GBP6: variants seen among roughly 807,000 people sequenced by gnomAD.
GBP6 encodes guanylate-binding protein 6.
A neutral mutation model predicts 61.5 loss-of-function variants in GBP6; 54 were observed. The observed-to-expected ratio is 0.88, with a 90% confidence interval of 0.71 to 1.10. The LOEUF (loss-of-function observed/expected upper bound fraction) is 1.10, where lower values mean the gene tolerates loss of function less well. Among genes scored for constraint, GBP6 ranks in the 50% least tolerant of loss-of-function variants. GBP6 has a pLI of 0.00. For synonymous variants in GBP6, 255 were observed against 273.7 expected (o/e 0.93, Z 0.67); for missense variants, 748 against 752.8 (o/e 0.99, Z 0.07).
chr1:89,372,516 T>C lies in GBP6; in HGVS notation c.318+2843T>C, dbSNP rs568435782. Among the ~76,000 whole-genome samples the C allele has an allele frequency of 1.1e-4, 16 of 152,258 alleles. No individual in the cohort carries two copies. In the East Asian group the frequency reaches 2.7e-3, roughly 26 times the overall value. ...GCTCTCAGAAATAATACCACACATC[T>C]ACAACCATCTGATCTTTGACAAACC... is the stretch of plus-strand genomic sequence containing the variant. On this transcript the variant is annotated intron_variant, in intron 3 of 10. Coordinates refer to ENST00000370456, the MANE Select transcript of GBP6 (RefSeq NM_198460.3).
chr1:89,380,483 T>C lies in GBP6; in HGVS notation c.723T>C (p.Asn241=), dbSNP rs1652941946. The change falls in exon 6 of 11, where the codon AAT becomes AAC. Residue 241 remains asparagine (N), a synonymous_variant. Transcript: ENST00000370456. ...GTTTCGTCTTTGACCGGCCAACAAA[T>C]GACAAAGACCTTCTAGCCAATATTG... is the stretch of plus-strand genomic sequence containing the variant. ...RKCFVFDRPT[N]DKDLLANIEK... 2 of 1,614,118 alleles carry C rather than the reference T, an allele frequency of 1.2e-6. No individual in the cohort carries two copies. Among genetic ancestry groups the C allele is most frequent in the Non-Finnish European group, 1.7e-6 (2 of 1,180,008 alleles).
intron 7 of GBP6, 22 bp downstream of exon 7, chr1:89,381,996 T>C: frequency 6.3e-7 from 1 of 1,580,468 alleles, no homozygotes; most frequent in Admixed American, 1.7e-5. Flanking sequence ...TAGTCATTAC[T>C]GTTCATCATC....
At chr1:89,380,703 T>G in intron 6 of GBP6, 72 bp downstream of exon 6, 1 of 1,464,304 alleles carries the variant, frequency 6.8e-7, no homozygotes, top group Non-Finnish European at 9.3e-7. Flanking sequence ...TTTCTCAGAA[T>G]TTTTGTTAGA....
At position 89,369,610 on chromosome 1, in the gene GBP6, C is replaced by T. The variant is rs1020209322; in HGVS notation, c.255C>T (p.His85=). Residue 85 remains histidine, a synonymous_variant, in exon 3 of 11, where the codon CAC becomes CAT. Transcript: ENST00000370456. ...TKGIWMWCVP[H]PSKPNHTLVL... Reference sequence around the variant, plus strand: ...GCATCTGGATGTGGTGCGTGCCCCACCCATCCAAGCCAAACCACACCCTGG... The same window carrying T: ...GCATCTGGATGTGGTGCGTGCCCCATCCATCCAAGCCAAACCACACCCTGG... 3.1e-6 allele frequency: 5 copies of T among 1,614,076 alleles called. No individual in the cohort carries two copies. In the Admixed American group the frequency reaches 6.7e-5, roughly 22 times the overall value.
At chr1:89,384,507 T>C (rs1265354828) in intron 10 of GBP6, among the ~76,000 whole-genome samples, 1 of 152,218 alleles carries the variant, frequency 6.6e-6, no homozygotes, top group Non-Finnish European at 1.5e-5. Flanking sequence ...TAAGGTTGAC[T>C]ATGATCCCTA....
chr1:89,365,178 T>A (rs1652436826), intron 1 of GBP6, among the ~76,000 whole-genome samples: 1 of 152,208 alleles, frequency 6.6e-6, no homozygotes, highest in African/African-American at 2.4e-5. Context: ...GTGATTCTTA[T>A]GTACATCAGA....
intron 1 of GBP6, among the ~76,000 whole-genome samples, chr1:89,367,080 A>G (rs982413318): frequency 2.0e-5 from 3 of 152,162 alleles, no homozygotes; most frequent in Non-Finnish European, 4.4e-5. Context: ...AGCTGTTTTC[A>G]TCTTTTGGCT....
At chr1:89,378,375 G>A in intron 4 of GBP6, 42 bp from the exon 5 acceptor site, 1 of 1,578,930 alleles carries the variant, frequency 6.3e-7, no homozygotes, top group East Asian at 2.2e-5. Flanking sequence ...AGAAATGTGT[G>A]AATTGTGGGC....
chr1:89,368,683 A>G lies in GBP6; in HGVS notation c.132A>G (p.Val44=), dbSNP rs1652532485. 6.2e-7 allele frequency: 1 copy of G among 1,614,068 alleles called. No individual in the cohort carries two copies. The highest frequency in any genetic ancestry group is 1.3e-5 in the African/African-American group (1 of 74,932). ...ISQPVVVVAI[V]GLYRTGKSYL... ...AGCCAGTGGTGGTGGTGGCCATTGTAGGACTGTACCGTACAGGGAAATCCT... is the reference window on the plus strand; with the variant it reads ...AGCCAGTGGTGGTGGTGGCCATTGTGGGACTGTACCGTACAGGGAAATCCT... The change falls in exon 2 of 11, where the codon GTA becomes GTG. Residue 44 remains valine (V), a synonymous_variant. Transcript: ENST00000370456.
chr1:89,385,555 TC>T lies in GBP6; in HGVS notation c.*87del. ...TCATTCAGCAAGTTTTTTTTTTTTT[TC>T]AGAGTCTTACTCTGTTGCCCAGGCT... On this transcript the variant is annotated 3_prime_UTR_variant, in exon 11 of 11. Transcript: ENST00000370456. 1.5e-6 allele frequency: 2 copies of T among 1,344,210 alleles called. No individual in the cohort carries two copies. The highest frequency in any genetic ancestry group is 2.0e-6 in the Non-Finnish European group (2 of 996,638). The allele number at this position is 1,344,210 out of a possible 1,614,324, so 83.3% of individuals were successfully genotyped here. A position where few individuals can be genotyped will look rare whatever the true frequency, so the allele number is the denominator to read the frequency against.
chr1:89,373,529 G>T (rs1378735649), intron 3 of GBP6, among the ~76,000 whole-genome samples: 1 of 152,088 alleles, frequency 6.6e-6, no homozygotes, highest in Admixed American at 6.5e-5. Context: ...CATGGATGAA[G>T]CTGGAAACCA....
In GBP6 at chr1:89,378,251, T is replaced by C. The variant is rs745761515; in HGVS notation, c.428+39T>C. 1.0e-5 allele frequency: 16 copies of C among 1,585,902 alleles called. No homozygotes were observed. The East Asian group carries it at 2.2e-4, about 22-fold the overall frequency. ...AACAGAACAGAACCACCAGGTTTCA[T>C]TGACTTTATAGGAATGGAGATCAAG... On this transcript the variant is annotated intron_variant, in intron 4 of 10. Coordinates refer to ENST00000370456, the MANE Select transcript of GBP6 (RefSeq NM_198460.3).
chr1:89,382,593 C>T, intron 7 of GBP6, 71 bp from the exon 8 acceptor site: 1 of 1,261,916 alleles, frequency 7.9e-7, no homozygotes, highest in South Asian at 1.3e-5. Flanking sequence ...ATTGACTCTA[C>T]CACCAGATTC....
chr1:89,378,284 C>T, intron 4 of GBP6, 72 bp downstream of exon 4: 1 of 1,544,946 alleles, frequency 6.5e-7, no homozygotes. Flanking sequence ...AAGTCATTTC[C>T]TCCTTCCCTT....
intron 3 of GBP6, among the ~76,000 whole-genome samples, chr1:89,372,185 G>A (rs375496184): frequency 2.6e-5 from 4 of 152,198 alleles, no homozygotes; most frequent in East Asian, 1.9e-4. Context: ...AAATGGAAGA[G>A]CATTCCATGC....
chr1:89,385,609 C>T lies in GBP6; in HGVS notation c.*140C>T, dbSNP rs1653121527. 3 of 732,698 alleles carry T rather than the reference C, an allele frequency of 4.1e-6. No individual in the cohort carries two copies. The South Asian group carries it at 5.9e-5, about 14-fold the overall frequency. The allele number at this position is 732,698 out of a possible 1,614,324, so 45.4% of individuals were successfully genotyped here. A position where few individuals can be genotyped will look rare whatever the true frequency, so the allele number is the denominator to read the frequency against. The stretch of plus-strand genomic sequence containing the variant: ...AGTACAGTGGTGCAATCTCAGCTCA[C>T]TGCAACCTCTGCCTCCTGGGTTCAA... On this transcript the variant is annotated 3_prime_UTR_variant, in exon 11 of 11. Coordinates refer to ENST00000370456, the MANE Select transcript of GBP6 (RefSeq NM_198460.3).
At chr1:89,378,003 A>T in intron 3 of GBP6, 100 bp from the exon 4 acceptor site, 1 of 1,052,096 alleles carries the variant, frequency 9.5e-7, no homozygotes, top group Non-Finnish European at 1.4e-6. Flanking sequence ...TACAGCAAGT[A>T]CATTAGCTGA....
Position 89,381,804 on chromosome 1 carries a change from C to T in GBP6, c.982C>T (p.Gln328Ter). The change falls in exon 7 of 11, where the codon CAG (glutamine) becomes TAG (stop). Residue 328 changes from glutamine to a stop codon, truncating the protein, a stop_gained. Coordinates refer to ENST00000370456, the MANE Select transcript of GBP6 (RefSeq NM_198460.3). LOFTEE classifies it high-confidence loss of function. ...LAQRENSAAV[Q>*]RAADYYSQQM... ...CCAGCGTGAGAACTCAGCGGCCGTG[C>T]AGAGGGCAGCTGACTACTACAGCCA... 6.2e-7 allele frequency: 1 copy of T among 1,614,108 alleles called. No homozygotes were observed.
intron 6 of GBP6, among the ~76,000 whole-genome samples, chr1:89,381,379 C>A (rs1170633293): frequency 6.6e-6 from 1 of 151,812 alleles, no homozygotes; most frequent in Non-Finnish European, 1.5e-5. Flanking sequence ...ATTTACCCTG[C>A]CTCATTTTAT....
Sources: allele counts gnomAD v4.1 joint callset (sites outside exome capture counted in the v4.1 genomes callset), GRCh38; gene constraint gnomAD v4.1.1; transcripts MANE v1.5; gene names NCBI Gene and HGNC (gene_info 2026-07-23, HGNC 2026-07-21).